The following JPH3 variants were observed in gnomAD, a reference collection of about 807,000 sequenced individuals.
JPH3 encodes junctophilin 3.
Under a neutral mutation model 59.6 loss-of-function variants are expected in JPH3, and 11 were observed. That is an observed-to-expected ratio of 0.18 (90% CI 0.12 to 0.31). The LOEUF is 0.31. Among genes scored for constraint, JPH3 ranks in the 10% least tolerant of loss-of-function variants. The pLI is 1.00. For missense variants in JPH3, 1,202 were observed against 1,105.7 expected (o/e 1.09, Z -1.24); for synonymous variants, 673 against 483.6 (o/e 1.39, Z -5.14).
At position 87,644,385 on chromosome 16, in the gene JPH3, G is replaced by A. The variant is rs747189272; in HGVS notation, c.510G>A (p.Glu170=). The A allele has an allele frequency of 1.2e-6, 2 of 1,612,810 alleles. No individual in the cohort carries two copies. Among genetic ancestry groups the A allele is most frequent in the Non-Finnish European group, 1.7e-6 (2 of 1,179,854 alleles). The part of the protein sequence containing the change: ...LRTSINSLRS[E]HTNGTALHPD... ...CGTCCATCAACTCCCTGCGCAGCGAGCACACCAACGGCACGGCGCTGCATC... is the reference window on the plus strand; with the variant it reads ...CGTCCATCAACTCCCTGCGCAGCGAACACACCAACGGCACGGCGCTGCATC... The change falls in exon 2 of 5, where the codon GAG becomes GAA. Residue 170 remains glutamate (E), a synonymous_variant. Coordinates refer to ENST00000284262, the MANE Select transcript of JPH3 (RefSeq NM_020655.4).
Position 87,603,576 on chromosome 16 carries a change from C to G in JPH3, c.382+48C>G, listed in dbSNP as rs765469953. The G allele has an allele frequency of 1.1e-5, 17 of 1,523,524 alleles. No individual in the cohort carries two copies. The African/African-American group carries it at 1.2e-4, about 11-fold the overall frequency. The allele number at this position is 1,523,524 out of a possible 1,614,324, so 94.4% of individuals were successfully genotyped here. ...GGCCGGGGCGGGAGGGACGTGCTTCCGATCGCGCCCCTTCTGTGGATCTCT... is the reference window on the plus strand; with the variant it reads ...GGCCGGGGCGGGAGGGACGTGCTTCGGATCGCGCCCCTTCTGTGGATCTCT... On this transcript the variant is annotated intron_variant, in intron 1 of 4. Coordinates refer to ENST00000284262, the MANE Select transcript of JPH3 (RefSeq NM_020655.4).
At chr16:87,645,179 T>G in intron 2 of JPH3, 144 bp downstream of exon 2, 4 of 855,650 alleles carry the variant, frequency 4.7e-6, no homozygotes, top group East Asian at 2.7e-5. Context: ...TATGCCCCCA[T>G]GGAACCCTAG....
chr16:87,620,479 A>G (rs4843639), intron 1 of JPH3, among the ~76,000 whole-genome samples: 47,008 of 102,824 alleles, frequency 0.46, 10,441 homozygotes, highest in Middle Eastern at 0.56. Context: ...AGAAGGAGAG[A>G]AGAGAGGGAG....
chr16:87,672,075 G>C (rs2033031591), intron 2 of JPH3, among the ~76,000 whole-genome samples: 1 of 152,148 alleles, frequency 6.6e-6, no homozygotes, highest in Non-Finnish European at 1.5e-5. Flanking sequence ...CCGGGGTCTA[G>C]GCTCCTCGCC....
intron 3 of JPH3, among the ~76,000 whole-genome samples, chr16:87,685,515 G>A (rs972139783): frequency 3.3e-5 from 5 of 152,260 alleles, no homozygotes; most frequent in African/African-American, 1.2e-4. Context: ...GCTGGGAGGC[G>A]GTGGGGCGCA....
chr16:87,696,760 C>T lies in JPH3; in HGVS notation c.*100C>T. On this transcript the variant is annotated 3_prime_UTR_variant, in exon 5 of 5. Coordinates refer to ENST00000284262, the MANE Select transcript of JPH3 (RefSeq NM_020655.4). ...AGGGAAAGACCGCAACTCGGACAGC[C>T]CAGCGACTTCCAAGTCCTCTCACAG... 1 of 911,912 alleles carries T rather than the reference C, an allele frequency of 1.1e-6. No individual in the cohort carries two copies. Among genetic ancestry groups the T allele is most frequent in the Non-Finnish European group, 1.8e-6 (1 of 569,718 alleles). The allele number at this position is 911,912 out of a possible 1,614,324, so 56.5% of individuals were successfully genotyped here.
In JPH3 at chr16:87,616,229, TG is replaced by T. The variant is rs1567583313; in HGVS notation, c.382+12702del. 6.6e-3 allele frequency among the ~76,000 whole-genome samples: 957 copies of T among 145,894 alleles called. 7 individuals are homozygous for T. Among genetic ancestry groups the T allele is most frequent in the Non-Finnish European group, 9.1e-3 (602 of 66,410 alleles). ...GTGTGTGTGTGTGTGTGTGTGTGTGTGTGTGTGTATTTTTTTTTTTTTGAGA... is the reference window on the plus strand; with the variant it reads ...GTGTGTGTGTGTGTGTGTGTGTGTGTTGTGTGTATTTTTTTTTTTTTGAGA... On this transcript the variant is annotated intron_variant, in intron 1 of 4. Transcript: ENST00000284262.
chr16:87,637,473 G>C (rs1487893616), intron 1 of JPH3, among the ~76,000 whole-genome samples: 1 of 151,954 alleles, frequency 6.6e-6, no homozygotes, highest in Non-Finnish European at 1.5e-5. Flanking sequence ...TACGGGGTCT[G>C]TTCTCATTTT....
chr16:87,623,982 G>A (rs2031281436), intron 1 of JPH3, among the ~76,000 whole-genome samples: 1 of 152,210 alleles, frequency 6.6e-6, no homozygotes, highest in Non-Finnish European at 1.5e-5. Flanking sequence ...AGAAGTCTAG[G>A]TGTGTCCCTG....
rs112895200 is a variant in JPH3 at position 87,679,608 on chromosome 16, A to T, written c.1161-4534A>T. ...AATCCTTGCCTTGTCCCCCGGACGC[A>T]TTCATCCAGTGGGTTGGGAAGCTGG... On this transcript the variant is annotated intron_variant, in intron 2 of 4. Transcript: ENST00000284262. Among the ~76,000 whole-genome samples, 740 of 152,306 alleles carry T rather than the reference A, an allele frequency of 4.9e-3. 7 individuals are homozygous for T. Among genetic ancestry groups the T allele is most frequent in the African/African-American group, 0.017 (701 of 41,554 alleles).
chr16:87,677,227 A>ACACACACACACC (rs1567610816), intron 2 of JPH3, among the ~76,000 whole-genome samples: 1 of 99,118 alleles, frequency 1.0e-5, no homozygotes, highest in Non-Finnish European at 1.9e-5. Context: ...CACACACACA[A>ACACACACACACC]AAAAAAAAAT....
chr16:87,686,318 G>A lies in JPH3; in HGVS notation c.1285+2052G>A, dbSNP rs969320010. ...AGTCAGAGGAGATGCTTCCTGGAGG[G>A]CTCAGTCCTGGAGTCAGAGATACTT... On this transcript the variant is annotated intron_variant, in intron 3 of 4. Transcript: ENST00000284262. 2.0e-5 allele frequency among the ~76,000 whole-genome samples: 3 copies of A among 151,634 alleles called. 1 individual carries two copies. Among genetic ancestry groups the A allele is most frequent in the African/African-American group, 7.3e-5 (3 of 41,232 alleles).
At chr16:87,641,926 G>A (rs1414227894) in intron 1 of JPH3, among the ~76,000 whole-genome samples, 1 of 152,246 alleles carries the variant, frequency 6.6e-6, no homozygotes, top group African/African-American at 2.4e-5. Context: ...GGATGCCGCG[G>A]GTGCCGGGCA....
chr16:87,616,344 C>T (rs1293916857), intron 1 of JPH3, among the ~76,000 whole-genome samples: 1 of 151,350 alleles, frequency 6.6e-6, no homozygotes, highest in Non-Finnish European at 1.5e-5. Flanking sequence ...CGCCGTTCTC[C>T]TGCCTCAGCC....
chr16:87,602,959 C>T lies in JPH3; in HGVS notation c.-188C>T. The T allele has an allele frequency of 1.7e-6, 1 of 601,014 alleles. No individual in the cohort carries two copies. The highest frequency in any genetic ancestry group is 2.8e-6 in the Non-Finnish European group (1 of 353,684). The allele number at this position is 601,014 out of a possible 1,614,324, so 37.2% of individuals were successfully genotyped here. A position where few individuals can be genotyped will look rare whatever the true frequency, so the allele number is the denominator to read the frequency against. ...GCAGCTCGAAAAGGAATAATCGCCCCCGATTGACTGAAATTCCTCCGGAGC... is the reference window on the plus strand; with the variant it reads ...GCAGCTCGAAAAGGAATAATCGCCCTCGATTGACTGAAATTCCTCCGGAGC... On this transcript the variant is annotated 5_prime_UTR_variant, in exon 1 of 5. Coordinates refer to ENST00000284262, the MANE Select transcript of JPH3 (RefSeq NM_020655.4).
At chr16:87,694,936 C>G (rs1484411198) in intron 4 of JPH3, 1 of 247,970 alleles carries the variant, frequency 4.0e-6, no homozygotes, top group African/African-American at 2.3e-5. Flanking sequence ...GTCTTCCCCG[C>G]TGTGTGTTCA....
intron 4 of JPH3, chr16:87,696,004 T>A (rs767798559): frequency 2.2e-6 from 1 of 455,954 alleles, no homozygotes; most frequent in African/African-American, 2.0e-5. Context: ...CAGCTCGCAA[T>A]TGGACACAGT....
At chr16:87,653,223 G>T (rs1039868325) in intron 2 of JPH3, among the ~76,000 whole-genome samples, 1 of 152,220 alleles carries the variant, frequency 6.6e-6, no homozygotes, top group Non-Finnish European at 1.5e-5. Flanking sequence ...AAAACCCAGG[G>T]TGATGCCTGC....
In JPH3 at chr16:87,684,200, G is replaced by A. The variant is rs747450101; in HGVS notation, c.1219G>A (p.Glu407Lys). 2.4e-5 allele frequency: 39 copies of A among 1,613,848 alleles called. No individual in the cohort carries two copies. The highest frequency in any genetic ancestry group is 3.1e-5 in the Non-Finnish European group (36 of 1,180,034). The change falls in exon 3 of 5, where the codon GAG becomes AAG. Residue 407 changes from glutamate to lysine, a missense_variant. Glu to Lys is a moderately conservative substitution (Grantham distance 56). Coordinates refer to ENST00000284262, the MANE Select transcript of JPH3 (RefSeq NM_020655.4). ...CCTCACAGCAGCTCAGAAAGCCCAG[G>A]AGGAGGCGCGGATCGCCAGGATCAC... ...AALTAAQKAQ[E>K]EARIARITAK...
Sources: gnomAD v4.1 joint callset for allele counts (sites outside exome capture counted in the v4.1 genomes callset) on GRCh38, gnomAD v4.1.1 for gene constraint, MANE v1.5 for transcripts, NCBI Gene and HGNC (gene_info 2026-07-23, HGNC 2026-07-21) for gene names.